The following SELENOW variants were observed in gnomAD, a reference collection of about 807,000 sequenced individuals.
The protein encoded by SELENOW is selenoprotein W, 1.
SELENOW carries 20 observed loss-of-function variants against 16.6 expected under a neutral mutation model. That is an observed-to-expected ratio of 1.21 (90% CI 0.85 to 1.76). SELENOW has a LOEUF of 1.76. SELENOW is among the 40% of genes most tolerant of loss of function. The pLI is 0.00. For missense variants in SELENOW, 124 were observed against 111.0 expected (o/e 1.12, Z -0.53); for synonymous variants, 44 against 46.2 (o/e 0.95, Z 0.19).
intron 5 of SELENOW, chr19:47,783,357 C>G (rs1294322253): frequency 6.6e-6 from 1 of 152,384 alleles, no homozygotes; most frequent in East Asian, 1.9e-4. Context: ...CCTGCCACCA[C>G]GCCTGGCTAA....
In SELENOW at chr19:47,780,886, TAGA is replaced by T; in HGVS notation, c.81_83del (p.Glu27del). 4 of 1,613,274 alleles carry T rather than the reference TAGA, an allele frequency of 2.5e-6. No homozygotes were observed. The highest frequency in any genetic ancestry group is 3.4e-6 in the Non-Finnish European group (4 of 1,179,700). On this transcript the variant is annotated inframe_deletion, in exon 3 of 6. Transcript: ENST00000601048. ...CAGTATCTTCAGCTCAAGAAGAAGT[TAGA>T]AGATGAGTTCCCCGGCCGCCTGGAC... is the stretch of plus-strand genomic sequence containing the variant.
At position 47,778,820 on chromosome 19, in the gene SELENOW, C is replaced by CGCAGTGG. The variant is rs111841672; in HGVS notation, c.29+6_29+7insGCAGTGG. On this transcript the variant is annotated splice_region_variant and intron_variant, in intron 1 of 5. Coordinates refer to ENST00000601048, the MANE Select transcript of SELENOW (RefSeq NM_003009.4). Reference sequence around the variant, plus strand: ...GCCGTCCGAGTCGTTTATTGGTAAGCCCAGCGGCCAGCGGCCCCCGTCCCC... The same window carrying CGCAGTGG: ...GCCGTCCGAGTCGTTTATTGGTAAGCGCAGTGGCCAGCGGCCAGCGGCCCCCGTCCCC... 25 of 1,601,992 alleles carry CGCAGTGG rather than the reference C, an allele frequency of 1.6e-5. No homozygotes were observed. The Middle Eastern group carries it at 5.0e-4, about 32-fold the overall frequency.
At chr19:47,783,083 G>T (rs1967494355) in intron 5 of SELENOW, 1 of 152,240 alleles carries the variant, frequency 6.6e-6, no homozygotes, top group Admixed American at 6.6e-5. Context: ...CTGTCGCCCA[G>T]GCTGGAGTAC....
At chr19:47,780,974 G>A in intron 3 of SELENOW, 57 bp downstream of exon 3, 1 of 1,591,802 alleles carries the variant, frequency 6.3e-7, no homozygotes, top group East Asian at 2.2e-5. Context: ...GGTCCGTTAG[G>A]CCTGGATGGC....
chr19:47,781,158 C>T lies in SELENOW; in HGVS notation c.159C>T (p.Ala53=), dbSNP rs111361733. 3.5e-5 allele frequency: 56 copies of T among 1,613,790 alleles called. 1 individual carries two copies. Among genetic ancestry groups the T allele is most frequent in the East Asian group, 2.5e-4 (11 of 44,848 alleles). The change falls in exon 4 of 6, where the codon GCC becomes GCT. Residue 53 remains alanine, a synonymous_variant. Transcript: ENST00000601048. The stretch of plus-strand genomic sequence containing the variant: ...CCGGGTTCTTTGAAGTGATGGTAGC[C>T]GGGAAGTTGATTCACTCTAAGAAGG... ...QATGFFEVMV[A]GKLIHSKKKG...
intron 1 of SELENOW, chr19:47,779,102 A>G: frequency 2.1e-6 from 1 of 487,458 alleles, no homozygotes; most frequent in Non-Finnish European, 3.7e-6. Flanking sequence ...CCGCTGGGGA[A>G]GGGGCTGGGG....
In SELENOW at chr19:47,784,557, G is replaced by C. The variant is rs527819141; in HGVS notation, c.*286G>C. On this transcript the variant is annotated 3_prime_UTR_variant, in exon 6 of 6. Transcript: ENST00000601048. ...TTCCCCAGTTGTCCCCTGGAGTTTGGGGGGACATCCCGCCTCAGGCATCCT... is the reference window on the plus strand; with the variant it reads ...TTCCCCAGTTGTCCCCTGGAGTTTGCGGGGACATCCCGCCTCAGGCATCCT... 3.2e-4 allele frequency: 49 copies of C among 152,210 alleles called. No individual in the cohort carries two copies. The highest frequency in any genetic ancestry group is 1.2e-3 in the African/African-American group (48 of 41,536). The allele number at this position is 152,210 out of a possible 1,614,324, so 9.4% of individuals were successfully genotyped here.
intron 5 of SELENOW, among the ~76,000 whole-genome samples, chr19:47,781,753 GGT>G (rs1967480194): frequency 6.6e-6 from 1 of 151,830 alleles, no homozygotes; most frequent in African/African-American, 2.4e-5. Flanking sequence ...ATGGGTCAGA[GGT>G]GTGCAGGATG....
intron 1 of SELENOW, 36 bp from the exon 2 acceptor site, chr19:47,780,689 T>C: frequency 6.4e-7 from 1 of 1,550,578 alleles, no homozygotes. Flanking sequence ...TCTCCCTCTC[T>C]CCCCTGGGCC....
Position 47,781,137 on chromosome 19 carries a change from G to A in SELENOW, c.138G>A (p.Gly46=). ...GCGAGGGAACTCCCCAGGCCACCGG[G>A]TTCTTTGAAGTGATGGTAGCCGGGA... ...ICGEGTPQAT[G]FFEVMVAGKL... is the part of the protein sequence containing the mutation. Residue 46 remains glycine (G), a synonymous_variant, in exon 4 of 6, where the codon GGG becomes GGA. Transcript: ENST00000601048. The A allele has an allele frequency of 6.2e-7, 1 of 1,613,832 alleles. No individual in the cohort carries two copies. Among genetic ancestry groups the A allele is most frequent in the Non-Finnish European group, 8.5e-7 (1 of 1,179,832 alleles).
intron 1 of SELENOW, 77 bp from the exon 2 acceptor site, chr19:47,780,648 G>A: frequency 1.5e-6 from 2 of 1,305,398 alleles, no homozygotes; most frequent in Non-Finnish European, 2.2e-6. Context: ...CACACCGCCT[G>A]TGTCTACCCT....
Position 47,780,948 on chromosome 19 carries a change from G to C in SELENOW, c.108+31G>C, listed in dbSNP as rs373289435. 1,131 of 1,611,394 alleles carry C rather than the reference G, an allele frequency of 7.0e-4. 2 individuals carry two copies. Among genetic ancestry groups the C allele is most frequent in the Non-Finnish European group, 8.5e-4 (1,005 of 1,177,972 alleles). On this transcript the variant is annotated intron_variant, in intron 3 of 5. Coordinates refer to ENST00000601048, the MANE Select transcript of SELENOW (RefSeq NM_003009.4). Reference sequence around the variant, plus strand: ...TCTTGGGATGGGGAGAAAGACTTGAGCACAGCCACTGTGTCGGTCCGTTAG... The same window carrying C: ...TCTTGGGATGGGGAGAAAGACTTGACCACAGCCACTGTGTCGGTCCGTTAG...
chr19:47,780,184 G>A (rs918752422), intron 1 of SELENOW: 1 of 443,426 alleles, frequency 2.3e-6, no homozygotes, highest in South Asian at 1.6e-5. Context: ...GGGGCGGGCC[G>A]ATCCCCTGAG....
intron 5 of SELENOW, chr19:47,782,926 T>C (rs1309706558): frequency 6.6e-6 from 1 of 152,278 alleles, no homozygotes; most frequent in African/African-American, 2.4e-5. Context: ...TCCAGCACCT[T>C]CTGAGTCTGA....
intron 3 of SELENOW, 63 bp from the exon 4 acceptor site, chr19:47,781,045 G>A: frequency 6.4e-7 from 1 of 1,567,200 alleles, no homozygotes; most frequent in Non-Finnish European, 8.8e-7. Flanking sequence ...CCCTGGGAAG[G>A]GGAGGGTCTC....
chr19:47,780,468 G>C (rs1967460216), intron 1 of SELENOW: 2 of 553,778 alleles, frequency 3.6e-6, no homozygotes, highest in Non-Finnish European at 6.5e-6. Flanking sequence ...TCTCTTGCTT[G>C]GTGTTGGTTT....
At position 47,778,785 on chromosome 19, in the gene SELENOW, C is replaced by A; in HGVS notation, c.-1C>A. ...CTCAGCGGATGTGGCAGCCCCGAGC[C>A]ATGGCTCTCGCCGTCCGAGTCGTTT... On this transcript the variant is annotated 5_prime_UTR_variant, in exon 1 of 6. Transcript: ENST00000601048. The A allele has an allele frequency of 6.2e-7, 1 of 1,605,622 alleles. No homozygotes were observed. The highest frequency in any genetic ancestry group is 8.5e-7 in the Non-Finnish European group (1 of 1,176,778).
At chr19:47,780,581 C>G (rs1003012650) in intron 1 of SELENOW, 144 bp from the exon 2 acceptor site, 10 of 682,788 alleles carry the variant, frequency 1.5e-5, no homozygotes, top group East Asian at 2.7e-5. Flanking sequence ...GTCACCTCTT[C>G]TGCTTGGTCA....
rs1201022198 is a variant in SELENOW at position 47,781,367 on chromosome 19, C to T, written c.261C>T (p.Gly87=). 1.3e-6 allele frequency: 2 copies of T among 1,587,620 alleles called. No individual in the cohort carries two copies. The highest frequency in any genetic ancestry group is 4.6e-5 in the East Asian group (2 of 43,776). The change falls in exon 5 of 6, where the codon GGC becomes GGT. Residue 87 remains glycine (G), a synonymous_variant. Transcript: ENST00000601048. ...VAAIKAALAQ[G] is the part of the protein sequence containing the mutation. ...CCATCAAAGCCGCCTTGGCTCAGGG[C>T]TAATGCGCCCTGAAGGCAGAGGTGA...
Sources: allele counts gnomAD v4.1 joint callset (sites outside exome capture counted in the v4.1 genomes callset), GRCh38; gene constraint gnomAD v4.1.1; transcripts MANE v1.5; gene names NCBI Gene and HGNC (gene_info 2026-07-23, HGNC 2026-07-21).